The following SIGLEC8 variants were observed in gnomAD, a reference collection of about 807,000 sequenced individuals.
SIGLEC8 encodes sialic acid-binding Ig-like lectin 8.
Under a neutral mutation model 42.1 loss-of-function variants are expected in SIGLEC8, and 32 were observed. The ratio of observed to expected loss-of-function variants is 0.76; its 90% CI spans 0.57 to 1.02. SIGLEC8 has a LOEUF of 1.02. Ranked by LOEUF, SIGLEC8 falls within the 50% of genes least tolerant of loss-of-function variation. SIGLEC8 has a pLI of 0.00. For synonymous variants in SIGLEC8, 262 were observed against 260.3 expected, an observed-to-expected ratio of 1.01 and a Z score of -0.06; for missense variants, 611 against 610.2, an observed-to-expected ratio of 1.00 and a Z score of -0.01.
intron 6 of SIGLEC8, among the ~76,000 whole-genome samples, chr19:51,452,995 T>A (rs1055010111): frequency 1.3e-5 from 2 of 152,154 alleles, no homozygotes; most frequent in Non-Finnish European, 2.9e-5. Flanking sequence ...CCCCCGTGTG[T>A]GAGGCCCTGA....
Position 51,452,478 on chromosome 19 carries a change from G to A in SIGLEC8, c.1401C>T (p.Asp467=), listed in dbSNP as rs368097211. The change falls in exon 7 of 7, where the codon GAC becomes GAT. Residue 467 remains aspartate (D), a synonymous_variant. Coordinates refer to ENST00000321424, the MANE Select transcript of SIGLEC8 (RefSeq NM_014442.3). ...GGATCTTGATCTCCGAGTATTCACTGTCAGTGGCCTCCTGTCCCTGCGGGT... is the reference window on the plus strand; with the variant it reads ...GGATCTTGATCTCCGAGTATTCACTATCAGTGGCCTCCTGTCCCTGCGGGT... ...PQDPQGQEAT[D]SEYSEIKIHK... 2.4e-5 allele frequency: 39 copies of A among 1,612,460 alleles called. No homozygotes were observed. The Admixed American group carries it at 6.5e-4, about 27-fold the overall frequency.
Position 51,454,106 on chromosome 19 carries a change from G to A in SIGLEC8, c.1245+113C>T. The A allele has an allele frequency of 6.5e-7, 1 of 1,528,110 alleles. No individual in the cohort carries two copies. Among genetic ancestry groups the A allele is most frequent in the Non-Finnish European group, 8.8e-7 (1 of 1,138,540 alleles). 94.7% of individuals were successfully genotyped at this position (1,528,110 alleles called of 1,614,324 possible). ...CCTGTAGAAGCCGGCCTGTGGGAAG[G>A]AGGAGGAGACGAGGAAGTGACTTTG... On this transcript the variant is annotated intron_variant, in intron 6 of 6. Transcript: ENST00000321424. The surrounding 1 kb of genome is among the most constrained non-coding windows in gnomAD (Gnocchi z 4.7).
At position 51,454,270 on chromosome 19, in the gene SIGLEC8, C is replaced by T. The variant is rs148920706; in HGVS notation, c.1194G>A (p.Val398=). 6 of 1,613,966 alleles carry T rather than the reference C, an allele frequency of 3.7e-6. No individual in the cohort carries two copies. The African/African-American group carries it at 5.3e-5, about 14-fold the overall frequency. The part of the protein sequence containing the change: ...RKKSARPAAG[V]GDTGMEDAKA... ...TTGCATCTTCCATGCCTGTATCCCCCACGCCCGCTGCTGGCCTTGCCGATT... is the reference window on the plus strand; with the variant it reads ...TTGCATCTTCCATGCCTGTATCCCCTACGCCCGCTGCTGGCCTTGCCGATT... Residue 398 remains valine (V), a synonymous_variant, in exon 6 of 7, where the codon GTG becomes GTA. Coordinates refer to ENST00000321424, the MANE Select transcript of SIGLEC8 (RefSeq NM_014442.3). The surrounding 1 kb of genome is among the most constrained non-coding windows in gnomAD (Gnocchi z 4.7).
chr19:51,453,747 C>T lies in SIGLEC8; in HGVS notation c.1245+472G>A, dbSNP rs559145577. On this transcript the variant is annotated intron_variant, in intron 6 of 6. Coordinates refer to ENST00000321424, the MANE Select transcript of SIGLEC8 (RefSeq NM_014442.3). ...TATCTACATGTAAATTATGATACAA[C>T]GGGCAAAACGAGAGTAAATGAGAGA... is the stretch of plus-strand genomic sequence containing the variant. 63 of 983,692 alleles carry T rather than the reference C, an allele frequency of 6.4e-5. No individual in the cohort carries two copies. In the African/African-American group the frequency reaches 6.6e-4, roughly 10 times the overall value. The allele number at this position is 983,692 out of a possible 1,614,324, so 60.9% of individuals were successfully genotyped here.
chr19:51,456,497 C>T (rs1421767631), intron 3 of SIGLEC8, among the ~76,000 whole-genome samples: 2 of 152,192 alleles, frequency 1.3e-5, no homozygotes, highest in Non-Finnish European at 2.9e-5. Context: ...GAAGTAGATA[C>T]AAGACTATCC....
chr19:51,457,074 C>T, intron 3 of SIGLEC8, 110 bp downstream of exon 3: 1 of 1,008,542 alleles, frequency 9.9e-7, no homozygotes, highest in Non-Finnish European at 1.6e-6. Context: ...TGGGCTCACG[C>T]ACAGTGGCAG....
chr19:51,452,959 C>G (rs1245077697), intron 6 of SIGLEC8, among the ~76,000 whole-genome samples: 1 of 152,196 alleles, frequency 6.6e-6, no homozygotes, highest in Non-Finnish European at 1.5e-5. Context: ...TTCCTTCTGA[C>G]CCCAAAGCCT....
In SIGLEC8 at chr19:51,457,600, G is replaced by T. The variant is rs747254488; in HGVS notation, c.594C>A (p.Ser198=). ...AGGAGCGGGCAGTAGTGGGGCCCGG[G>T]GAGGACACGGAGGCCCCAATCCAGG... ...MISWIGASVS[S]PGPTTARSSV... Residue 198 remains serine, a synonymous_variant, in exon 2 of 7, where the codon TCC becomes TCA. Transcript: ENST00000321424. 3.7e-6 allele frequency: 6 copies of T among 1,612,884 alleles called. No homozygotes were observed. In the East Asian group the frequency reaches 1.3e-4, roughly 36 times the overall value.
At chr19:51,455,803 T>C (rs896772666) in intron 3 of SIGLEC8, 116 bp from the exon 4 acceptor site, 89 of 963,542 alleles carry the variant, frequency 9.2e-5, no homozygotes, top group Non-Finnish European at 1.2e-4. Flanking sequence ...CTATTCACAA[T>C]AGCAAAGACT....
In SIGLEC8 at chr19:51,454,458, G is replaced by A. The variant is rs1989442518; in HGVS notation, c.1149-143C>T. On this transcript the variant is annotated intron_variant, in intron 5 of 6. Transcript: ENST00000321424. The surrounding 1 kb of genome is among the most constrained non-coding windows in gnomAD (Gnocchi z 4.7). ...GTGGTCCAGTTCCAGAGACCCCAAC[G>A]GTGAAAACAGAGGCTCCTGCCTCAT... 1.4e-6 allele frequency: 2 copies of A among 1,473,012 alleles called. No homozygotes were observed. The highest frequency in any genetic ancestry group is 1.2e-5 in the South Asian group (1 of 82,728). 91.2% of individuals were successfully genotyped at this position (1,473,012 alleles called of 1,614,324 possible). A position where few individuals can be genotyped will look rare whatever the true frequency, so the allele number is the denominator to read the frequency against.
At position 51,454,052 on chromosome 19, in the gene SIGLEC8, C is replaced by T. The variant is rs1365839713; in HGVS notation, c.1245+167G>A. ...GCCTGGGAAAAATTGGGGGTAGGGA[C>T]TGCCATGCTGTCAGCAAGATGGGGG... is the stretch of plus-strand genomic sequence containing the variant. On this transcript the variant is annotated intron_variant, in intron 6 of 6. Transcript: ENST00000321424. This position sits in a 1 kb window ranked among gnomAD's most constrained non-coding sequence, Gnocchi z 4.7. 1 of 985,226 alleles carries T rather than the reference C, an allele frequency of 1.0e-6. No individual in the cohort carries two copies. Among genetic ancestry groups the T allele is most frequent in the East Asian group, 1.1e-4 (1 of 8,804 alleles). The allele number at this position is 985,226 out of a possible 1,614,324, so 61.0% of individuals were successfully genotyped here.
intron 4 of SIGLEC8, 46 bp downstream of exon 4, chr19:51,455,372 G>A: frequency 6.2e-7 from 1 of 1,602,250 alleles, no homozygotes; most frequent in Non-Finnish European, 8.5e-7. Flanking sequence ...TGGTCCATGA[G>A]GGTGGGGCAG....
Position 51,455,678 on chromosome 19 carries a change from G to C in SIGLEC8, c.791C>G (p.Ala264Gly). 1 of 1,613,442 alleles carries C rather than the reference G, an allele frequency of 6.2e-7. No homozygotes were observed. The highest frequency in any genetic ancestry group is 8.5e-7 in the Non-Finnish European group (1 of 1,179,776). The change falls in exon 4 of 7, where the codon GCC (alanine) becomes GGC (glycine). Residue 264 changes from alanine to glycine, a missense_variant. Coordinates refer to ENST00000321424, the MANE Select transcript of SIGLEC8 (RefSeq NM_014442.3). ...TGAAAGAGATGAGCCATTTCCCAGG[G>C]CTGTGGATGCTGCAGAGAAAGAGAC... The part of the protein sequence containing the change: ...VFQGDATAST[A>G]LGNGSSLSVL...
intron 4 of SIGLEC8, among the ~76,000 whole-genome samples, chr19:51,455,057 C>A (rs1251189891): frequency 6.6e-6 from 1 of 152,206 alleles, no homozygotes; most frequent in Non-Finnish European, 1.5e-5. Flanking sequence ...CATGGCATTG[C>A]AATATTACTT....
Position 51,452,368 on chromosome 19 carries a change from T to C in SIGLEC8, c.*11A>G. On this transcript the variant is annotated 3_prime_UTR_variant, in exon 7 of 7. Coordinates refer to ENST00000321424, the MANE Select transcript of SIGLEC8 (RefSeq NM_014442.3). ...AGCATGGGGCTCTAGAGGGTTCTTG[T>C]TCTATGAGAATCAGCCTCTGACTTC... 4 of 1,588,826 alleles carry C rather than the reference T, an allele frequency of 2.5e-6. No homozygotes were observed. The highest frequency in any genetic ancestry group is 3.4e-6 in the Non-Finnish European group (4 of 1,159,584).
rs776742264 is a variant in SIGLEC8 at position 51,457,608 on chromosome 19, C to T, written c.586G>A (p.Val196Met). The T allele has an allele frequency of 2.2e-5, 35 of 1,612,424 alleles. No homozygotes were observed. The highest frequency in any genetic ancestry group is 4.0e-5 in the African/African-American group (3 of 74,840). ...PPMISWIGAS[V>M]SSPGPTTARS... is the part of the protein sequence containing the mutation. ...GCAGTAGTGGGGCCCGGGGAGGACA[C>T]GGAGGCCCCAATCCAGGAGATCATG... Residue 196 changes from valine (V) to methionine (M), a missense_variant, in exon 2 of 7, where the codon GTG (valine) becomes ATG (methionine). Coordinates refer to ENST00000321424, the MANE Select transcript of SIGLEC8 (RefSeq NM_014442.3).
At position 51,454,203 on chromosome 19, in the gene SIGLEC8, A is replaced by C; in HGVS notation, c.1245+16T>G. 1.2e-6 allele frequency: 2 copies of C among 1,613,928 alleles called. No individual in the cohort carries two copies. The highest frequency in any genetic ancestry group is 1.7e-6 in the Non-Finnish European group (2 of 1,179,892). The stretch of plus-strand genomic sequence containing the variant: ...CCAGGCTGGATGCTCGGTGTGGAGA[A>C]GCCCACATCACTCACCTGAGAGGCC... On this transcript the variant is annotated intron_variant, in intron 6 of 6. Coordinates refer to ENST00000321424, the MANE Select transcript of SIGLEC8 (RefSeq NM_014442.3). The surrounding 1 kb of genome is among the most constrained non-coding windows in gnomAD (Gnocchi z 4.7).
chr19:51,457,463 G>A lies in SIGLEC8; in HGVS notation c.731C>T (p.Ser244Phe), dbSNP rs149444610. The change falls in exon 2 of 7, where the codon TCC (serine) becomes TTC (phenylalanine). Residue 244 changes from serine (S) to phenylalanine (F), a missense_variant and splice_region_variant. Ser to Phe is a radical substitution (Grantham distance 155, BLOSUM62 -2). Transcript: ENST00000321424. ...GGGCATCTTGGTCCAGCACTCACAG[G>A]ACACATCGAGGCGGACGGTACTGGT... ...TTTSTVRLDV[S>F]YPPWNLTMTV... is the part of the protein sequence containing the mutation. 841 of 1,613,622 alleles carry A rather than the reference G, an allele frequency of 5.2e-4. 5 individuals are homozygous for A. The African/African-American group carries it at 9.5e-3, about 18-fold the overall frequency.
At position 51,452,360 on chromosome 19, in the gene SIGLEC8, G is replaced by GGGATTGCACCA; in HGVS notation, c.*18_*19insTGGTGCAATCC. 6.3e-7 allele frequency: 1 copy of GGGATTGCACCA among 1,581,190 alleles called. No individual in the cohort carries two copies. The highest frequency in any genetic ancestry group is 8.7e-7 in the Non-Finnish European group (1 of 1,154,230). On this transcript the variant is annotated 3_prime_UTR_variant, in exon 7 of 7. Coordinates refer to ENST00000321424, the MANE Select transcript of SIGLEC8 (RefSeq NM_014442.3). ...TACTGCATAGCATGGGGCTCTAGAGGGTTCTTGTTCTATGAGAATCAGCCT... is the reference window on the plus strand; with the variant it reads ...TACTGCATAGCATGGGGCTCTAGAGGGGATTGCACCAGTTCTTGTTCTATGAGAATCAGCCT...
Sources: allele counts gnomAD v4.1 joint callset (sites outside exome capture counted in the v4.1 genomes callset), GRCh38; gene constraint gnomAD v4.1.1; non-coding constraint Gnocchi (gnomAD v3.1); transcripts MANE v1.5; gene names NCBI Gene and HGNC (gene_info 2026-07-23, HGNC 2026-07-21).